The following WDR87 variants were observed in gnomAD, a reference collection of about 807,000 sequenced individuals.
WDR87 encodes WD repeat-containing protein 87.
A neutral mutation model predicts 83.3 loss-of-function variants in WDR87; 56 were observed. The ratio of observed to expected loss-of-function variants is 0.67; its 90% CI spans 0.54 to 0.84. WDR87 has a LOEUF of 0.84. Ranked by LOEUF, WDR87 falls within the 40% of genes least tolerant of loss-of-function variation. The pLI, the probability that WDR87 is intolerant of heterozygous loss-of-function variation, is 0.00. For synonymous variants in WDR87, 1,173 were observed against 1,250.6 expected, an observed-to-expected ratio of 0.94 and a Z score of 1.31; for missense variants, 2,939 against 3,431.9, an observed-to-expected ratio of 0.86 and a Z score of 3.59.
Position 37,888,754 on chromosome 19 carries a change from CTCT to C in WDR87, c.4914_4916del (p.Glu1639del), listed in dbSNP as rs753711432. The C allele has an allele frequency of 1.0e-5, 16 of 1,551,840 alleles. No individual in the cohort carries two copies. The Admixed American group carries it at 2.0e-4, about 19-fold the overall frequency. On this transcript the variant is annotated inframe_deletion, in exon 6 of 6. Coordinates refer to ENST00000447313, the MANE Select transcript of WDR87 (RefSeq NM_001291088.2). ...ACTGTCTCTCTTCTTGTGCAAGTTT[CTCT>C]TCTTCTTGTGCTAATTTCCTCTCTT...
chr19:37,905,003 G>A (rs780528507), intron 1 of WDR87, among the ~76,000 whole-genome samples: 1 of 152,034 alleles, frequency 6.6e-6, no homozygotes, highest in Non-Finnish European at 1.5e-5. Flanking sequence ...TTGGGAGGCC[G>A]AGGCTGGCAG....
chr19:37,893,786 G>A lies in WDR87; in HGVS notation c.1917C>T (p.Leu639=). The change falls in exon 4 of 6, where the codon CTC becomes CTT. Residue 639 remains leucine (L), a synonymous_variant. Coordinates refer to ENST00000447313, the MANE Select transcript of WDR87 (RefSeq NM_001291088.2). ...GCAGTGATGAGTCCAGAATGCCTAT[G>A]AGTCTGCCATGGAAGTCCCAGATCC... ...SVRIWDFHGR[L]IGILDSSLHF... is the part of the protein sequence containing the mutation. 1 of 1,551,650 alleles carries A rather than the reference G, an allele frequency of 6.4e-7. No individual in the cohort carries two copies. The highest frequency in any genetic ancestry group is 8.7e-7 in the Non-Finnish European group (1 of 1,147,014).
chr19:37,893,330 C>G lies in WDR87; in HGVS notation c.2373G>C (p.Gln791His), dbSNP rs1448591186. ...RYQCHYVLPP[Q>H]LQLTSWDGLN... ...GTCCATCCCAGCTAGTCAGTTGTAGCTGGGGAGGAAGCACATAATGGCATT... is the reference window on the plus strand; with the variant it reads ...GTCCATCCCAGCTAGTCAGTTGTAGGTGGGGAGGAAGCACATAATGGCATT... The change falls in exon 4 of 6, where the codon CAG becomes CAC. Residue 791 changes from glutamine to histidine, a missense_variant. Physicochemically the swap from Gln to His is conservative, Grantham distance 24. Transcript: ENST00000447313. 1 of 1,551,698 alleles carries G rather than the reference C, an allele frequency of 6.4e-7. No individual in the cohort carries two copies. Among genetic ancestry groups the G allele is most frequent in the East Asian group, 2.4e-5 (1 of 40,910 alleles).
chr19:37,895,491 G>C (rs2046247342), intron 3 of WDR87, 35 bp from the exon 4 acceptor site: 1 of 1,527,582 alleles, frequency 6.5e-7, no homozygotes, highest in African/African-American at 1.4e-5. Context: ...GCCTAGGCCG[G>C]GTGAGGTGGT....
Position 37,887,789 on chromosome 19 carries a change from C to T in WDR87, c.5882G>A (p.Ser1961Asn). ...TEKKLVQVED[S>N]LAKKQEKLAQ... ...CAATTTCTCCTGTTTTTTGGCCAAACTATCCTCTACTTGGACCAATTTTTT... is the reference window on the plus strand; with the variant it reads ...CAATTTCTCCTGTTTTTTGGCCAAATTATCCTCTACTTGGACCAATTTTTT... The change falls in exon 6 of 6, where the codon AGT becomes AAT. Residue 1961 changes from serine to asparagine, a missense_variant. Ser to Asn is a conservative substitution (Grantham distance 46). Around this residue, in one of 3 missense-constraint regions of WDR87, gnomAD observed 2,160 missense variants for 2,533.1 expected, o/e 0.85. Coordinates refer to ENST00000447313, the MANE Select transcript of WDR87 (RefSeq NM_001291088.2). 1 of 1,551,678 alleles carries T rather than the reference C, an allele frequency of 6.4e-7. No homozygotes were observed. The highest frequency in any genetic ancestry group is 8.7e-7 in the Non-Finnish European group (1 of 1,147,022).
At position 37,885,844 on chromosome 19, in the gene WDR87, AT is replaced by A; in HGVS notation, c.7826del (p.His2609LeufsTer25). On this transcript the variant is annotated frameshift_variant, in exon 6 of 6. Transcript: ENST00000447313. LOFTEE classifies it low-confidence loss of function (END_TRUNC). Reference protein sequence around the residue: ...GNLEWLHLAKHEAIVYRHRQA... With the variant: ...GNLEWLHLAKXEAIVYRHRQA... ...GTCTGTGACGGTACACAATGGCTTC[AT>A]GTTTGGCCAGATGCAGCCATTCTAA... 1 of 1,551,866 alleles carries A rather than the reference AT, an allele frequency of 6.4e-7. No homozygotes were observed. Among genetic ancestry groups the A allele is most frequent in the South Asian group, 1.2e-5 (1 of 84,048 alleles).
rs1568449149 is a variant in WDR87 at position 37,887,766 on chromosome 19, A to T, written c.5905T>A (p.Leu1969Met). The change falls in exon 6 of 6, where the codon TTG becomes ATG. Residue 1969 changes from leucine to methionine, a missense_variant. Leu to Met is a conservative substitution (Grantham distance 15). Transcript: ENST00000447313. ...EDSLAKKQEKLAQEKMKLALE... is the reference protein window; with the variant it reads ...EDSLAKKQEKMAQEKMKLALE... ...GCTAATTTCATTTTTTCCTGGGCCA[A>T]TTTCTCCTGTTTTTTGGCCAAACTA... is the stretch of plus-strand genomic sequence containing the variant. 2.6e-6 allele frequency: 4 copies of T among 1,551,136 alleles called. No individual in the cohort carries two copies. Among genetic ancestry groups the T allele is most frequent in the Admixed American group, 2.0e-5 (1 of 50,902 alleles).
chr19:37,893,335 G>T lies in WDR87; in HGVS notation c.2368C>A (p.Pro790Thr). 1 of 1,551,720 alleles carries T rather than the reference G, an allele frequency of 6.4e-7. No individual in the cohort carries two copies. Among genetic ancestry groups the T allele is most frequent in the Non-Finnish European group, 8.7e-7 (1 of 1,146,900 alleles). Reference protein sequence around the residue: ...KRYQCHYVLPPQLQLTSWDGL... With the variant: ...KRYQCHYVLPTQLQLTSWDGL... ...TCCCAGCTAGTCAGTTGTAGCTGGGGAGGAAGCACATAATGGCATTGGTAA... is the reference window on the plus strand; with the variant it reads ...TCCCAGCTAGTCAGTTGTAGCTGGGTAGGAAGCACATAATGGCATTGGTAA... Residue 790 changes from proline to threonine, a missense_variant, in exon 4 of 6, where the codon CCC becomes ACC. Around this residue, in one of 3 missense-constraint regions of WDR87, gnomAD observed 2,160 missense variants for 2,533.1 expected, o/e 0.85. Transcript: ENST00000447313.
rs1337089417 is a variant in WDR87 at position 37,894,855 on chromosome 19, TGATGGGCCTGGAAACTGTGGAGTG to T, written c.824_847del (p.Pro275_His282del). The stretch of plus-strand genomic sequence containing the variant: ...GCTGCGGATACAGATCACTCCTGAT[TGATGGGCCTGGAAACTGTGGAGTG>T]GATGGCCCTGCTGGAGGCTCCAAAC... On this transcript the variant is annotated inframe_deletion, in exon 4 of 6. Transcript: ENST00000447313. 7.1e-6 allele frequency: 11 copies of T among 1,551,618 alleles called. No homozygotes were observed. The highest frequency in any genetic ancestry group is 9.6e-6 in the Non-Finnish European group (11 of 1,147,014).
chr19:37,886,661 T>A lies in WDR87; in HGVS notation c.7010A>T (p.Glu2337Val). ...AAACACTTCTTCCTTCTCCTGAACC[T>A]CCTCCTTCTTCTTTTCCTTTTTCTT... Reference protein sequence around the residue: ...KKKKKEKKKEEVQEKEEVFEE... With the variant: ...KKKKKEKKKEVVQEKEEVFEE... The change falls in exon 6 of 6, where the codon GAG becomes GTG. Residue 2337 changes from glutamate to valine, a missense_variant. By Grantham distance (121) the Glu-to-Val change is moderately radical. Coordinates refer to ENST00000447313, the MANE Select transcript of WDR87 (RefSeq NM_001291088.2). 1.3e-6 allele frequency: 2 copies of A among 1,498,080 alleles called. No individual in the cohort carries two copies. Among genetic ancestry groups the A allele is most frequent in the East Asian group, 2.5e-5 (1 of 40,494 alleles). The allele number at this position is 1,498,080 out of a possible 1,614,324, so 92.8% of individuals were successfully genotyped here.
In WDR87 at chr19:37,896,316, G is replaced by A. The variant is rs1270044641; in HGVS notation, c.76-8C>T. ...TGGGTCTTCCGAAGGTTGCTGGAGA[G>A]AGGCGTGGCATAAACTAAGAGGCCA... On this transcript the variant is annotated splice_polypyrimidine_tract_variant and splice_region_variant and intron_variant, in intron 2 of 5. Coordinates refer to ENST00000447313, the MANE Select transcript of WDR87 (RefSeq NM_001291088.2). The A allele has an allele frequency of 3.9e-6, 6 of 1,551,164 alleles. No individual in the cohort carries two copies. Among genetic ancestry groups the A allele is most frequent in the Non-Finnish European group, 5.2e-6 (6 of 1,146,640 alleles).
chr19:37,905,401 A>G (rs758791415), intron 1 of WDR87, among the ~76,000 whole-genome samples: 4 of 152,106 alleles, frequency 2.6e-5, no homozygotes, highest in Admixed American at 6.5e-5. Context: ...AGGCTGAGGT[A>G]GGAACATGTC....
At position 37,886,582 on chromosome 19, in the gene WDR87, C is replaced by A; in HGVS notation, c.7089G>T (p.Glu2363Asp). The A allele has an allele frequency of 6.6e-7, 1 of 1,520,448 alleles. No homozygotes were observed. Among genetic ancestry groups the A allele is most frequent in the South Asian group, 1.3e-5 (1 of 76,152 alleles). 94.2% of individuals were successfully genotyped at this position (1,520,448 alleles called of 1,614,324 possible). A position where few individuals can be genotyped will look rare whatever the true frequency, so the allele number is the denominator to read the frequency against. ...SEEETESLSD[E>D]EEEEESCSLE... ...ATGAGCAGCTCTCCTCTTCCTCTTC[C>A]TCGTCACTCAAACTTTCTGTCTCTT... The change falls in exon 6 of 6, where the codon GAG (glutamate) becomes GAT (aspartate). Residue 2363 changes from glutamate (E) to aspartate (D), a missense_variant. By Grantham distance (45) the Glu-to-Asp change is conservative. Transcript: ENST00000447313.
In WDR87 at chr19:37,885,954, G is replaced by A. The variant is rs142857310; in HGVS notation, c.7717C>T (p.Arg2573Ter). The A allele has an allele frequency of 6.2e-4, 956 of 1,552,154 alleles. 5 individuals carry two copies. The Middle Eastern group carries it at 8.2e-3, about 13-fold the overall frequency. Residue 2573 changes from arginine to a stop codon, truncating the protein, a stop_gained, in exon 6 of 6, where the codon CGA becomes TGA. Coordinates refer to ENST00000447313, the MANE Select transcript of WDR87 (RefSeq NM_001291088.2). LOFTEE classifies it low-confidence loss of function (END_TRUNC). ...DVEWIRHVLE[R>*]MEAGEQLSRD... ...GAAAGCTGTTCTCCCGCTTCCATTC[G>A]TTCTAGGACATGGCGGATCCACTCT...
At chr19:37,904,841 C>T (rs1417155564) in intron 1 of WDR87, among the ~76,000 whole-genome samples, 5 of 152,174 alleles carry the variant, frequency 3.3e-5, no homozygotes, top group African/African-American at 1.2e-4. Flanking sequence ...AATGGACATT[C>T]GGTAGTTTCC....
At chr19:37,895,766 C>CAAA (rs36107860) in intron 3 of WDR87, among the ~76,000 whole-genome samples, 8 of 84,260 alleles carry the variant, frequency 9.5e-5, no homozygotes, top group Non-Finnish European at 1.8e-4. Context: ...GACTCTGTCT[C>CAAA]AAAAAAAAAA....
Position 37,888,693 on chromosome 19 carries a change from C to A in WDR87, c.4978G>T (p.Val1660Leu). ...QEERKLAQAY[V>L]KITQDDREMA... ...TCCCTGTCATCCTGGGTTATTTTCA[C>A]GTATGCCTGGGCCAGTTTTCTCTCT... The change falls in exon 6 of 6, where the codon GTG becomes TTG. Residue 1660 changes from valine (V) to leucine (L), a missense_variant. Physicochemically the swap from Val to Leu is conservative, Grantham distance 32. Around this residue, in one of 3 missense-constraint regions of WDR87, gnomAD observed 2,160 missense variants for 2,533.1 expected, o/e 0.85. Transcript: ENST00000447313. 6.4e-7 allele frequency: 1 copy of A among 1,552,032 alleles called. No homozygotes were observed. The highest frequency in any genetic ancestry group is 8.7e-7 in the Non-Finnish European group (1 of 1,147,086).
intron 3 of WDR87, 180 bp downstream of exon 3, chr19:37,895,958 G>A (rs964569435): frequency 1.7e-5 from 14 of 826,252 alleles, no homozygotes; most frequent in East Asian, 1.1e-4. Context: ...GGTTTACTTC[G>A]GGGGAACCAT....
At chr19:37,904,607 A>G (rs1162770179) in intron 1 of WDR87, among the ~76,000 whole-genome samples, 1 of 147,262 alleles carries the variant, frequency 6.8e-6, no homozygotes, top group African/African-American at 2.5e-5. Context: ...TGATCCGCCC[A>G]CCTCCCAAAG....
Sources: allele counts gnomAD v4.1 joint callset (sites outside exome capture counted in the v4.1 genomes callset), GRCh38; gene constraint gnomAD v4.1.1; regional missense constraint gnomAD v4.1.1; transcripts MANE v1.5; gene names NCBI Gene and HGNC (gene_info 2026-07-23, HGNC 2026-07-21).